The following NDST1 variants were observed in gnomAD, a reference collection of about 807,000 sequenced individuals.
NDST1 encodes the protein N-deacetylase and N-sulfotransferase 1.
NDST1 carries 35 observed loss-of-function variants against 92.8 expected under a neutral mutation model. That is an observed-to-expected ratio of 0.38 (90% CI 0.29 to 0.50). The LOEUF (loss-of-function observed/expected upper bound fraction) is 0.50, where lower values mean the gene tolerates loss of function less well. NDST1 is among the 20% of genes least tolerant of loss of function. NDST1 has a pLI of 0.94. For missense variants in NDST1, 822 were observed against 1,182.7 expected (o/e 0.69, Z 4.47); for synonymous variants, 493 against 500.3 (o/e 0.99, Z 0.19).
At chr5:150,512,846 C>G (rs1414790273) in intron 1 of NDST1, among the ~76,000 whole-genome samples, 1 of 152,176 alleles carries the variant, frequency 6.6e-6, no homozygotes, top group Non-Finnish European at 1.5e-5. Flanking sequence ...AACTGAGGTT[C>G]AGAGAGGTTG....
chr5:150,533,126 T>C (rs2273231), intron 4 of NDST1, 94 bp downstream of exon 4: 34,789 of 1,243,624 alleles, frequency 0.028, 1,577 homozygotes, highest in East Asian at 0.19. Context: ...AGCGGGTGGG[T>C]TTACTGGCCC....
At chr5:150,514,555 C>T (rs561400826) in intron 1 of NDST1, among the ~76,000 whole-genome samples, 62 of 135,312 alleles carry the variant, frequency 4.6e-4, no homozygotes, top group African/African-American at 1.6e-3. Flanking sequence ...AGTGAGACTC[C>T]GTCTCAAAAA....
At chr5:150,532,709 T>C (rs1346211616) in intron 3 of NDST1, among the ~76,000 whole-genome samples, 1 of 152,152 alleles carries the variant, frequency 6.6e-6, no homozygotes, top group African/African-American at 2.4e-5. Context: ...GTATTTCCAG[T>C]AGAGACTGGG....
chr5:150,535,649 CAAA>C, intron 5 of NDST1, 48 bp from the exon 6 acceptor site: 1 of 1,606,236 alleles, frequency 6.2e-7, no homozygotes, highest in Non-Finnish European at 8.5e-7. Context: ...GGATAAGGCC[CAAA>C]GGGGAAGGAC....
At chr5:150,537,617 G>A (rs1417920424) in intron 6 of NDST1, among the ~76,000 whole-genome samples, 2 of 152,178 alleles carry the variant, frequency 1.3e-5, no homozygotes, top group African/African-American at 4.8e-5. Flanking sequence ...ATGTGTGCCC[G>A]AAACTTCATT....
intron 1 of NDST1, among the ~76,000 whole-genome samples, chr5:150,515,910 T>C (rs1753938900): frequency 6.6e-6 from 1 of 152,124 alleles, no homozygotes; most frequent in African/African-American, 2.4e-5. Context: ...GAAGCCCCCT[T>C]TGCCAGCCGG....
At chr5:150,508,703 T>C (rs1403423051) in intron 1 of NDST1, among the ~76,000 whole-genome samples, 1 of 152,186 alleles carries the variant, frequency 6.6e-6, no homozygotes, top group Non-Finnish European at 1.5e-5. Flanking sequence ...GTGAGAGCCA[T>C]GGCTTGTCAA....
chr5:150,540,098 C>A lies in NDST1; in HGVS notation c.1583C>A (p.Thr528Lys). ...VLLNPISIFMTHLSNYGNDRL... is the reference protein window; with the variant it reads ...VLLNPISIFMKHLSNYGNDRL... ...CTGGAGCAGATCAGCATCTTCATGA[C>A]GCACCTGTCCAACTATGGGAATGAC... The change falls in exon 8 of 15, where the codon ACG becomes AAG. Residue 528 changes from threonine (T) to lysine (K), a missense_variant. Thr to Lys is a moderately conservative substitution (Grantham distance 78). Coordinates refer to ENST00000261797, the MANE Select transcript of NDST1 (RefSeq NM_001543.5). The A allele has an allele frequency of 6.2e-7, 1 of 1,614,212 alleles. No individual in the cohort carries two copies. The highest frequency in any genetic ancestry group is 8.5e-7 in the Non-Finnish European group (1 of 1,180,046).
chr5:150,532,929 C>T lies in NDST1; in HGVS notation c.1009-16C>T. The T allele has an allele frequency of 6.2e-7, 1 of 1,612,952 alleles. No homozygotes were observed. Among genetic ancestry groups the T allele is most frequent in the Non-Finnish European group, 8.5e-7 (1 of 1,178,898 alleles). ...GGCTTTCCCTCACTCATTCCTTTCT[C>T]CCCTGCCTGTCCTAGGCCCTGTTTG... On this transcript the variant is annotated splice_polypyrimidine_tract_variant and intron_variant, in intron 3 of 14. Transcript: ENST00000261797.
At chr5:150,546,502 C>T (rs771124715) in intron 11 of NDST1, among the ~76,000 whole-genome samples, 5 of 152,178 alleles carry the variant, frequency 3.3e-5, no homozygotes, top group Non-Finnish European at 5.9e-5. Context: ...TTGTCCAGGC[C>T]GAGGTCCTGA....
In NDST1 at chr5:150,535,894, G is replaced by A; in HGVS notation, c.1437+9G>A. 1.2e-6 allele frequency: 2 copies of A among 1,611,668 alleles called. No homozygotes were observed. The highest frequency in any genetic ancestry group is 1.3e-5 in the African/African-American group (1 of 74,974). ...TCCACAATGGCATCATGGTGAGTGG[G>A]CCCCTGGAAGCCCAGGAGGTGGGAG... On this transcript the variant is annotated intron_variant, in intron 6 of 14. Transcript: ENST00000261797.
chr5:150,533,662 G>C (rs575355891), intron 4 of NDST1, among the ~76,000 whole-genome samples: 60 of 152,302 alleles, frequency 3.9e-4, no homozygotes, highest in African/African-American at 1.4e-3. Flanking sequence ...AACCTCTCTT[G>C]AATTCTAAGA....
At chr5:150,527,664 C>A in intron 2 of NDST1, 140 bp from the exon 3 acceptor site, 1 of 1,193,846 alleles carries the variant, frequency 8.4e-7, no homozygotes, top group Non-Finnish European at 1.2e-6. Flanking sequence ...CAGGGTGGAG[C>A]GCAGGGCCAG....
intron 1 of NDST1, among the ~76,000 whole-genome samples, chr5:150,509,188 T>C (rs1435473853): frequency 2.0e-5 from 3 of 152,098 alleles, no homozygotes. Context: ...TGCCTTGGAA[T>C]CTCTCAGGGT....
At chr5:150,498,845 C>T (rs551318548) in intron 1 of NDST1, among the ~76,000 whole-genome samples, 1 of 152,340 alleles carries the variant, frequency 6.6e-6, no homozygotes, top group Admixed American at 6.5e-5. Flanking sequence ...TAAACTGATA[C>T]CTCTATGCCT....
chr5:150,552,301 G>T (rs144122631), intron 14 of NDST1, among the ~76,000 whole-genome samples: 205 of 152,246 alleles, frequency 1.3e-3, no homozygotes, highest in African/African-American at 4.2e-3. Context: ...GGTCTCTGGA[G>T]TTGCGCCTAG....
rs1002517310 is a variant in NDST1, at chr5:150,539,218, C to G, written c.1438-10C>G. 7 of 1,611,562 alleles carry G rather than the reference C, an allele frequency of 4.3e-6. No individual in the cohort carries two copies. Among genetic ancestry groups the G allele is most frequent in the African/African-American group, 1.3e-5 (1 of 74,886 alleles). Reference sequence around the variant, plus strand: ...GGCACCATAGCTCCTCTCCCCCACCCCCTCCTCAGGTTCTCCCACGGCAGA... The same window carrying G: ...GGCACCATAGCTCCTCTCCCCCACCGCCTCCTCAGGTTCTCCCACGGCAGA... On this transcript the variant is annotated splice_polypyrimidine_tract_variant and intron_variant, in intron 6 of 14. Transcript: ENST00000261797.
chr5:150,539,825 AC>A (rs1249298271), intron 7 of NDST1: 2 of 975,730 alleles, frequency 2.0e-6, no homozygotes, highest in African/African-American at 3.5e-5. Context: ...CCTAACATTT[AC>A]AAAATAAAAC....
intron 1 of NDST1, among the ~76,000 whole-genome samples, chr5:150,516,551 T>A (rs888830079): frequency 6.6e-6 from 1 of 152,164 alleles, no homozygotes; most frequent in Non-Finnish European, 1.5e-5. Context: ...TGGAGCTTAG[T>A]TTTGAATCGA....
Sources: gnomAD v4.1 joint callset for allele counts (sites outside exome capture counted in the v4.1 genomes callset) on GRCh38, gnomAD v4.1.1 for gene constraint, MANE v1.5 for transcripts, NCBI Gene and HGNC (gene_info 2026-07-23, HGNC 2026-07-21) for gene names.